Variants in RBFOX1 observed in about 807,000 individuals in gnomAD.
RBFOX1 encodes the protein RNA binding protein fox-1 homolog 1.
Under a neutral mutation model 57.7 loss-of-function variants are expected in RBFOX1, and 8 were observed. That is an observed-to-expected ratio of 0.14 (90% CI 0.08 to 0.25). The LOEUF (loss-of-function observed/expected upper bound fraction) is 0.25. RBFOX1 is among the 10% of genes least tolerant of loss of function. The pLI, the probability that RBFOX1 is intolerant of heterozygous loss-of-function variation, is 1.00. For synonymous variants in RBFOX1, 326 were observed against 222.4 expected (o/e 1.47, Z -4.15); for missense variants, 611 against 548.5 (o/e 1.11, Z -1.14).
chr16:5,302,178 C>G (rs2063822416), intron 1 of RBFOX1, among the ~76,000 whole-genome samples: 2 of 152,030 alleles, frequency 1.3e-5, no homozygotes, highest in African/African-American at 4.8e-5. Context: ...TCTAATTTCC[C>G]TCATATTTTA....
intron 3 of RBFOX1, among the ~76,000 whole-genome samples, chr16:5,863,910 A>G (rs575918072): frequency 6.6e-6 from 1 of 152,172 alleles, no homozygotes; most frequent in African/African-American, 2.4e-5. Flanking sequence ...TTTTTCGTGA[A>G]TTTCTTTTAA....
In RBFOX1 at chr16:5,266,827, G is replaced by A. The variant is rs1351541482; in HGVS notation, c.219+26722G>A. 3.3e-5 allele frequency among the ~76,000 whole-genome samples: 5 copies of A among 152,014 alleles called. 1 individual carries two copies. Among genetic ancestry groups the A allele is most frequent in the South Asian group, 4.2e-4 (2 of 4,816 alleles). ...GCTCACCTCGGCCTCCCAAAGTGCT[G>A]GGATGACAGGCATGAGCCACTGCGC... On this transcript the variant is annotated intron_variant, in intron 1 of 2. Transcript: ENST00000585867.
rs9928346 is a variant in RBFOX1, at chr16:6,995,620, C to G, written c.-15-56437C>G. 2.7e-3 allele frequency among the ~76,000 whole-genome samples: 412 copies of G among 152,090 alleles called. 4 individuals are homozygous for G. Among genetic ancestry groups the G allele is most frequent in the African/African-American group, 9.5e-3 (395 of 41,524 alleles). The stretch of plus-strand genomic sequence containing the variant: ...ACTAAACATACAAAAATTAGCTGGA[C>G]GTGGTGGTGCACGCTTGTAATCCCA... On this transcript the variant is annotated intron_variant, in intron 3 of 15. Coordinates refer to ENST00000550418, the MANE Select transcript of RBFOX1 (RefSeq NM_018723.4).
At chr16:7,030,570 C>G (rs538810938) in intron 3 of RBFOX1, among the ~76,000 whole-genome samples, 22 of 152,236 alleles carry the variant, frequency 1.4e-4, no homozygotes, top group African/African-American at 5.3e-4. Flanking sequence ...ATGCTATTGT[C>G]TTTGTTTCTC....
intron 4 of RBFOX1, among the ~76,000 whole-genome samples, chr16:5,891,963 C>G (rs2005820): frequency 1.3e-5 from 2 of 152,100 alleles, no homozygotes; most frequent in Admixed American, 1.3e-4. Flanking sequence ...GGGACAAACT[C>G]TCACTTACTG....
At chr16:6,225,579 G>C (rs1327811393) in intron 1 of RBFOX1, among the ~76,000 whole-genome samples, 2 of 152,192 alleles carry the variant, frequency 1.3e-5, no homozygotes, top group African/African-American at 4.8e-5. Context: ...AATGAGGATA[G>C]TGAAATTTAC....
rs78332650 is a variant in RBFOX1, at chr16:7,402,422, C to G, written c.28-115725C>G. The stretch of plus-strand genomic sequence containing the variant: ...AGGAATATCATCTTTGAAAAGTGGT[C>G]TTAAATAAAATTTCACAAATAATAG... On this transcript the variant is annotated intron_variant, in intron 4 of 15. Transcript: ENST00000550418. Among the ~76,000 whole-genome samples, 602 of 152,222 alleles carry G rather than the reference C, an allele frequency of 4.0e-3. 8 individuals carry two copies. Among genetic ancestry groups the G allele is most frequent in the African/African-American group, 0.014 (578 of 41,532 alleles).
intron 2 of RBFOX1, among the ~76,000 whole-genome samples, chr16:5,500,116 CCCTCCTT>C (rs2043137236): frequency 2.1e-5 from 2 of 95,474 alleles, no homozygotes; most frequent in African/African-American, 1.2e-4. Flanking sequence ...TCCCTCCCTT[CCCTCCTT>C]CCCTCCTTCC....
intron 1 of RBFOX1, among the ~76,000 whole-genome samples, chr16:5,277,883 T>C (rs967509060): frequency 1.3e-5 from 2 of 152,238 alleles, no homozygotes; most frequent in African/African-American, 4.8e-5. Flanking sequence ...TCCCATTTTC[T>C]TTATCCATTC....
intron 4 of RBFOX1, among the ~76,000 whole-genome samples, chr16:5,870,233 C>T (rs1449452441): frequency 6.6e-6 from 1 of 150,906 alleles, no homozygotes; most frequent in Non-Finnish European, 1.5e-5. Context: ...GAGGCGTTGG[C>T]TGGGTAGGGG....
At chr16:7,255,076 C>A (rs1029188151) in intron 4 of RBFOX1, among the ~76,000 whole-genome samples, 1 of 152,086 alleles carries the variant, frequency 6.6e-6, no homozygotes, top group South Asian at 2.1e-4. Flanking sequence ...ATAATATTAA[C>A]GTTAGCTGTT....
At chr16:6,702,363 G>C (rs1458931684) in intron 3 of RBFOX1, among the ~76,000 whole-genome samples, 5 of 152,150 alleles carry the variant, frequency 3.3e-5, no homozygotes, top group Non-Finnish European at 5.9e-5. Flanking sequence ...AGACCAGACT[G>C]GCCAACATGG....
At chr16:5,794,877 G>A (rs757232256) in intron 3 of RBFOX1, among the ~76,000 whole-genome samples, 5 of 152,060 alleles carry the variant, frequency 3.3e-5, no homozygotes, top group South Asian at 2.1e-4. Context: ...GGCGACATTC[G>A]GCAAGATGGA....
intron 4 of RBFOX1, among the ~76,000 whole-genome samples, chr16:7,094,878 G>A (rs117253624): frequency 0.01 from 1,576 of 151,832 alleles, 17 homozygotes; most frequent in Non-Finnish European, 0.017. Context: ...TTTGGATAAC[G>A]TGTTCTCTTT....
At chr16:5,319,381 C>G (rs756419400) in intron 1 of RBFOX1, among the ~76,000 whole-genome samples, 1 of 152,108 alleles carries the variant, frequency 6.6e-6, no homozygotes, top group African/African-American at 2.4e-5. Flanking sequence ...GGTTCACAGC[C>G]CTGTTCTAGT....
chr16:5,985,283 T>G (rs1423826095), intron 4 of RBFOX1, among the ~76,000 whole-genome samples: 1 of 151,536 alleles, frequency 6.6e-6, no homozygotes, highest in African/African-American at 2.4e-5. Context: ...TGAGTCATCA[T>G]GTCCGGCCAA....
intron 11 of RBFOX1, among the ~76,000 whole-genome samples, chr16:7,644,881 G>A (rs1324985225): frequency 6.6e-6 from 1 of 152,180 alleles, no homozygotes; most frequent in Non-Finnish European, 1.5e-5. Context: ...AGCGATGTTT[G>A]AACTGAGAAC....
At chr16:7,586,136 AG>A (rs2094110890) in intron 6 of RBFOX1, among the ~76,000 whole-genome samples, 1 of 152,214 alleles carries the variant, frequency 6.6e-6, no homozygotes. Context: ...TCACTCAAAG[AG>A]CATTTGCTCT....
At chr16:5,872,017 C>T (rs922477543) in intron 4 of RBFOX1, among the ~76,000 whole-genome samples, 3 of 152,142 alleles carry the variant, frequency 2.0e-5, no homozygotes, top group Admixed American at 6.5e-5. Flanking sequence ...CAAAAGGAAA[C>T]TTTATCCTAG....
Sources: allele counts gnomAD v4.1 joint callset (sites outside exome capture counted in the v4.1 genomes callset), GRCh38; gene constraint gnomAD v4.1.1; transcripts MANE v1.5; gene names NCBI Gene and HGNC (gene_info 2026-07-23, HGNC 2026-07-21).